The following RAD51B variants were observed in gnomAD, a reference collection of about 807,000 sequenced individuals.
RAD51B encodes RAD51 paralog B.
A neutral mutation model predicts 42.2 loss-of-function variants in RAD51B; 38 were observed. That is an observed-to-expected ratio of 0.90 (90% CI 0.70 to 1.18). The LOEUF (loss-of-function observed/expected upper bound fraction) is 1.18. RAD51B is among the 50% of genes most tolerant of loss of function. The probability of loss-of-function intolerance (pLI) is 0.00; values close to 1 mark genes in which losing one functional copy is unlikely to be tolerated. For synonymous variants in RAD51B, 154 were observed against 145.2 expected (o/e 1.06, Z -0.43); for missense variants, 373 against 400.7 (o/e 0.93, Z 0.59).
intron 4 of RAD51B, among the ~76,000 whole-genome samples, chr14:67,842,709 C>A (rs2041470017): frequency 6.6e-6 from 1 of 152,168 alleles, no homozygotes; most frequent in African/African-American, 2.4e-5. Context: ...GCTAGGACTT[C>A]CTGTACTATG....
intron 7 of RAD51B, among the ~76,000 whole-genome samples, chr14:68,045,052 C>T (rs1050736944): frequency 6.6e-6 from 1 of 151,812 alleles, no homozygotes; most frequent in Non-Finnish European, 1.5e-5. Flanking sequence ...CCAGCCTCAT[C>T]ATGGAGAAAC....
intron 7 of RAD51B, among the ~76,000 whole-genome samples, chr14:68,251,332 C>T (rs2080628824): frequency 6.6e-6 from 1 of 152,160 alleles, no homozygotes; most frequent in Non-Finnish European, 1.5e-5. Context: ...AGCCCCGGCC[C>T]ATTAAAATTC....
At chr14:68,152,711 T>G (rs573590771) in intron 7 of RAD51B, among the ~76,000 whole-genome samples, 1 of 130,924 alleles carries the variant, frequency 7.6e-6, no homozygotes, top group South Asian at 2.5e-4. Context: ...GGTACTAAGC[T>G]TAGTACCCAA....
chr14:68,437,227 A>G (rs1057205349), intron 9 of RAD51B, among the ~76,000 whole-genome samples: 1 of 152,184 alleles, frequency 6.6e-6, no homozygotes, highest in Non-Finnish European at 1.5e-5. Flanking sequence ...ATGAAGGAAT[A>G]TGGATTTTCT....
rs2086124556 is a variant in RAD51B at position 68,471,529 on chromosome 14, C to A, written c.1036+3279C>A. 2.0e-5 allele frequency among the ~76,000 whole-genome samples: 3 copies of A among 152,232 alleles called. No individual in the cohort carries two copies. The South Asian group carries it at 6.2e-4, about 32-fold the overall frequency. On this transcript the variant is annotated intron_variant, in intron 10 of 10. Transcript: ENST00000471583. ...AGTCAGCAACTGGGGGACTTCTACC[C>A]TTCCCTCCCCTTTGTTCACTGGGAT...
At chr14:68,637,972 C>T (rs906953280) in intron 10 of RAD51B, among the ~76,000 whole-genome samples, 1 of 152,240 alleles carries the variant, frequency 6.6e-6, no homozygotes, top group Non-Finnish European at 1.5e-5. Context: ...GGAACATTGC[C>T]CTGTGAAGGG....
chr14:68,040,052 C>T (rs1347386970), intron 7 of RAD51B, among the ~76,000 whole-genome samples: 1 of 152,172 alleles, frequency 6.6e-6, no homozygotes. Flanking sequence ...TGGCTGTATT[C>T]AACAGAATTT....
chr14:68,636,418 A>C (rs1892341327), intron 10 of RAD51B, among the ~76,000 whole-genome samples: 1 of 152,050 alleles, frequency 6.6e-6, no homozygotes, highest in African/African-American at 2.4e-5. Context: ...CCACGTCTCT[A>C]CTAAAAATAC....
intron 8 of RAD51B, among the ~76,000 whole-genome samples, chr14:68,373,653 C>G (rs12435322): frequency 0.11 from 16,347 of 152,108 alleles, 1,285 homozygotes; most frequent in East Asian, 0.39. Flanking sequence ...AGCATTAGGA[C>G]AAATACCTAA....
chr14:68,035,705 G>T (rs2076110503), intron 7 of RAD51B, among the ~76,000 whole-genome samples: 1 of 152,288 alleles, frequency 6.6e-6, no homozygotes, highest in African/African-American at 2.4e-5. Flanking sequence ...CAGTTATATT[G>T]ATGATTTCTC....
chr14:68,470,657 G>A (rs1390017312), intron 10 of RAD51B: 1 of 477,716 alleles, frequency 2.1e-6, no homozygotes, highest in Admixed American at 2.9e-5. Flanking sequence ...AAGAAAGAGT[G>A]AAGAAAAAAT....
At chr14:67,943,938 C>T (rs572538498) in intron 7 of RAD51B, among the ~76,000 whole-genome samples, 1 of 152,206 alleles carries the variant, frequency 6.6e-6, no homozygotes, top group African/African-American at 2.4e-5. Flanking sequence ...TAGGTATTTA[C>T]ATCTAAGTAT....
intron 7 of RAD51B, among the ~76,000 whole-genome samples, chr14:67,939,917 G>A (rs1014164059): frequency 6.7e-6 from 1 of 148,186 alleles, no homozygotes; most frequent in African/African-American, 2.5e-5. Flanking sequence ...TAAATTAGGT[G>A]CTGGGTTCAT....
chr14:68,230,161 C>A (rs1412327555), intron 7 of RAD51B, among the ~76,000 whole-genome samples: 1 of 152,168 alleles, frequency 6.6e-6, no homozygotes, highest in Non-Finnish European at 1.5e-5. Flanking sequence ...ATACAGGTGA[C>A]TTTCTCATTC....
intron 7 of RAD51B, among the ~76,000 whole-genome samples, chr14:68,098,984 G>C (rs116319141): frequency 0.014 from 2,093 of 152,306 alleles, 21 homozygotes; most frequent in African/African-American, 0.019. Flanking sequence ...TCTGGAGACA[G>C]CAATGGAGAA....
rs536140783 is a variant in RAD51B at position 67,861,479 on chromosome 14, A to G, written c.316-3524A>G. On this transcript the variant is annotated intron_variant, in intron 4 of 10. Coordinates refer to ENST00000471583, the MANE Select transcript of RAD51B (RefSeq NM_133510.4). ...CATGGTGAAACCCAGTCTCTATGAA[A>G]AAAAAAGCTGGGCATGTGTGAATTT... Among the ~76,000 whole-genome samples the G allele has an allele frequency of 4.6e-5, 7 of 151,834 alleles. No homozygotes were observed. In the East Asian group the frequency reaches 1.4e-3, roughly 30 times the overall value.
chr14:68,321,371 C>G (rs1368498594), intron 8 of RAD51B, among the ~76,000 whole-genome samples: 1 of 152,178 alleles, frequency 6.6e-6, no homozygotes, highest in Admixed American at 6.5e-5. Context: ...CTAATTTAGC[C>G]AATTTATACA....
chr14:67,958,928 C>A (rs976265040), intron 7 of RAD51B, among the ~76,000 whole-genome samples: 1 of 152,100 alleles, frequency 6.6e-6, no homozygotes, highest in Non-Finnish European at 1.5e-5. Flanking sequence ...ACCTTTCTTT[C>A]CTCTTTCACC....
intron 7 of RAD51B, among the ~76,000 whole-genome samples, chr14:68,055,875 A>C (rs909288488): frequency 1.3e-5 from 2 of 152,208 alleles, no homozygotes; most frequent in Non-Finnish European, 2.9e-5. Context: ...TCCATTGGTC[A>C]CACTGACCAA....
Sources: gnomAD v4.1 joint callset for allele counts (sites outside exome capture counted in the v4.1 genomes callset) on GRCh38, gnomAD v4.1.1 for gene constraint, MANE v1.5 for transcripts, NCBI Gene and HGNC (gene_info 2026-07-23, HGNC 2026-07-21) for gene names.